Variants in TRIP12 observed in about 807,000 individuals in gnomAD.
The protein encoded by TRIP12 is E3 ubiquitin-protein ligase TRIP12.
Under a neutral mutation model 244.2 loss-of-function variants are expected in TRIP12, and 25 were observed. That is an observed-to-expected ratio of 0.10 (90% CI 0.07 to 0.14). TRIP12 has a LOEUF of 0.14. TRIP12 is among the 10% of genes least tolerant of loss of function. The pLI is 1.00. For synonymous variants in TRIP12, 905 were observed against 873.1 expected, an observed-to-expected ratio of 1.04 and a Z score of -0.64; for missense variants, 1,677 against 2,486.4, an observed-to-expected ratio of 0.67 and a Z score of 6.92.
At chr2:229,829,150 G>C in intron 8 of TRIP12, 43 bp downstream of exon 8, 1 of 1,560,400 alleles carries the variant, frequency 6.4e-7, no homozygotes, top group East Asian at 2.2e-5. Flanking sequence ...ATAGCAGTTG[G>C]CTAATTATTG....
At chr2:229,852,570 A>AT (rs1367859158) in intron 4 of TRIP12, among the ~76,000 whole-genome samples, 1 of 152,242 alleles carries the variant, frequency 6.6e-6, no homozygotes, top group Non-Finnish European at 1.5e-5. Flanking sequence ...AGAGACAGCT[A>AT]TAACTTCCTA....
chr2:229,867,167 G>GTT (rs1359589033), intron 2 of TRIP12, among the ~76,000 whole-genome samples: 72 of 58,224 alleles, frequency 1.2e-3, no homozygotes, highest in Admixed American at 3.5e-3. Context: ...TTGTTTGTTT[G>GTT]TTTGTTTTTT....
intron 2 of TRIP12, among the ~76,000 whole-genome samples, chr2:229,871,749 A>G (rs962947009): frequency 3.9e-5 from 6 of 152,328 alleles, no homozygotes; most frequent in East Asian, 1.9e-4. Context: ...GAAAATACAA[A>G]AACAAAATAT....
chr2:229,798,845 A>G lies in TRIP12; in HGVS notation c.3482+30T>C, dbSNP rs755923260. On this transcript the variant is annotated intron_variant, in intron 23 of 41. Transcript: ENST00000675903. ...GTTTAAGTTTTTCTGATATGGGAATAGAAGAAACATAAAACTCCCCCCACT... is the reference window on the plus strand; with the variant it reads ...GTTTAAGTTTTTCTGATATGGGAATGGAAGAAACATAAAACTCCCCCCACT... 4.4e-6 allele frequency: 7 copies of G among 1,608,644 alleles called. No homozygotes were observed. In the African/African-American group the frequency reaches 9.4e-5, roughly 22 times the overall value.
chr2:229,802,804 G>A (rs2044732665), intron 20 of TRIP12, among the ~76,000 whole-genome samples: 1 of 152,210 alleles, frequency 6.6e-6, no homozygotes, highest in Non-Finnish European at 1.5e-5. Context: ...ACACCCTGTG[G>A]TGTGACAGCC....
chr2:229,905,103 C>T (rs1052500115), intron 1 of TRIP12, among the ~76,000 whole-genome samples: 1 of 152,046 alleles, frequency 6.6e-6, no homozygotes, highest in Admixed American at 6.6e-5. Flanking sequence ...GGAGAAACCC[C>T]GTCTCTACTA....
In TRIP12 at chr2:229,799,308, T is replaced by C. The variant is rs2043609439; in HGVS notation, c.3282A>G (p.Arg1094=). The change falls in exon 22 of 42, where the codon AGA becomes AGG. Residue 1094 remains arginine, a synonymous_variant. Coordinates refer to ENST00000675903, the MANE Select transcript of TRIP12 (RefSeq NM_001348323.3). ...CTTGATTGTCTACTTTGTCATCATC[T>C]CTTGGAGGTGAGTACTTTGGCCTTC... The part of the protein sequence containing the change: ...GPRRPKYSPP[R]DDDKVDNQAK... 1.2e-6 allele frequency: 2 copies of C among 1,614,066 alleles called. No homozygotes were observed. Among genetic ancestry groups the C allele is most frequent in the African/African-American group, 1.3e-5 (1 of 74,922 alleles).
intron 1 of TRIP12, among the ~76,000 whole-genome samples, chr2:229,896,806 G>A (rs188395607): frequency 6.6e-6 from 1 of 152,240 alleles, no homozygotes; most frequent in East Asian, 1.9e-4. Context: ...GGCAAAGCTG[G>A]TGTATCTAAA....
At chr2:229,909,258 G>A (rs1046559883) in intron 1 of TRIP12, among the ~76,000 whole-genome samples, 1 of 151,960 alleles carries the variant, frequency 6.6e-6, no homozygotes, top group African/African-American at 2.4e-5. Context: ...ATTATACCCT[G>A]ATAAGGGCCA....
intron 1 of TRIP12, among the ~76,000 whole-genome samples, chr2:229,899,277 T>C (rs943742973): frequency 6.6e-6 from 1 of 151,950 alleles, no homozygotes; most frequent in Non-Finnish European, 1.5e-5. Context: ...CCACAGGGAA[T>C]AGAAAAATAG....
intron 4 of TRIP12, among the ~76,000 whole-genome samples, chr2:229,851,200 A>G (rs1217633655): frequency 6.6e-6 from 1 of 152,194 alleles, no homozygotes; most frequent in Admixed American, 6.5e-5. Flanking sequence ...GGGGACGTGG[A>G]GAACCTTTAT....
intron 29 of TRIP12, 173 bp downstream of exon 29, chr2:229,791,693 T>A: frequency 1.6e-6 from 1 of 643,354 alleles, no homozygotes; most frequent in South Asian, 2.0e-5. Flanking sequence ...ATGAGGAGGC[T>A]ACATATACAT....
intron 2 of TRIP12, among the ~76,000 whole-genome samples, chr2:229,878,431 C>A (rs2064065827): frequency 6.9e-6 from 1 of 145,904 alleles, no homozygotes; most frequent in Non-Finnish European, 1.5e-5. Context: ...GCCTGGGCGA[C>A]AGCAACTGTT....
upstream of TRIP12, chr2:229,922,619 A>C: frequency 6.2e-7 from 1 of 1,613,714 alleles, no homozygotes; most frequent in South Asian, 1.1e-5. Context: ...GGCAAGTGCG[A>C]GCCGCGGTTT....
chr2:229,807,418 G>A (rs1204686999), intron 17 of TRIP12: 7 of 379,772 alleles, frequency 1.8e-5, no homozygotes, highest in African/African-American at 8.2e-5. Context: ...AGAAACCTAC[G>A]GCCTAAGTCT....
At chr2:229,922,566 C>G (rs1366653677), upstream of TRIP12, 34 of 1,614,028 alleles carry the variant, frequency 2.1e-5, no homozygotes, top group Non-Finnish European at 2.9e-5. Context: ...CAAGGCCCGC[C>G]GCCTAGCAAA....
chr2:229,820,264 C>A (rs1340368796), intron 8 of TRIP12, among the ~76,000 whole-genome samples: 1 of 151,878 alleles, frequency 6.6e-6, no homozygotes, highest in African/African-American at 2.4e-5. Context: ...TTGGGGTTGG[C>A]AACTCTTAAG....
At chr2:229,859,626 T>C (rs1017576796) in intron 3 of TRIP12, 52 bp from the exon 4 acceptor site, 3 of 1,536,514 alleles carry the variant, frequency 2.0e-6, no homozygotes, top group Non-Finnish European at 2.6e-6. Context: ...TAATTACAAC[T>C]GTCATATATA....
At chr2:229,811,268 C>T in intron 13 of TRIP12, 64 bp from the exon 14 acceptor site, 3 of 1,479,954 alleles carry the variant, frequency 2.0e-6, no homozygotes, top group Non-Finnish European at 1.8e-6. Flanking sequence ...TCATGTATCA[C>T]TACTTTATCT....
Sources: gnomAD v4.1 joint callset for allele counts (sites outside exome capture counted in the v4.1 genomes callset) on GRCh38, gnomAD v4.1.1 for gene constraint, MANE v1.5 for transcripts, NCBI Gene and HGNC (gene_info 2026-07-23, HGNC 2026-07-21) for gene names.